Variants in RPTOR observed in about 807,000 individuals in gnomAD.
RPTOR encodes regulatory-associated protein of mTOR.
RPTOR carries 21 observed loss-of-function variants against 169.9 expected under a neutral mutation model. The observed-to-expected ratio is 0.12, with a 90% confidence interval of 0.09 to 0.18. The LOEUF is 0.18. RPTOR is among the 10% of genes least tolerant of loss of function. RPTOR has a pLI of 1.00. For missense variants in RPTOR, 1,133 were observed against 1,855.9 expected (o/e 0.61, Z 7.16); for synonymous variants, 732 against 753.2 (o/e 0.97, Z 0.46).
chr17:80,962,860 G>C, intron 32 of RPTOR, 68 bp from the exon 33 acceptor site: 1 of 1,602,998 alleles, frequency 6.2e-7, no homozygotes, highest in Non-Finnish European at 8.5e-7. Flanking sequence ...CGCGGTCTCG[G>C]CATCTGCGCC....
At chr17:80,718,305 G>A (rs890433196) in intron 4 of RPTOR, among the ~76,000 whole-genome samples, 3 of 152,108 alleles carry the variant, frequency 2.0e-5, no homozygotes, top group African/African-American at 7.2e-5. Context: ...CCTACCCTCT[G>A]CCAAAATCAT....
intron 4 of RPTOR, among the ~76,000 whole-genome samples, chr17:80,729,423 G>A (rs1287591389): frequency 6.6e-6 from 1 of 152,208 alleles, no homozygotes; most frequent in African/African-American, 2.4e-5. Flanking sequence ...AAAAATGTTA[G>A]CTTTGCGTTC....
intron 3 of RPTOR, among the ~76,000 whole-genome samples, chr17:80,697,654 A>G (rs2066048584): frequency 6.6e-6 from 1 of 152,248 alleles, no homozygotes; most frequent in Admixed American, 6.5e-5. Context: ...CACCTTGTGC[A>G]GAGGCATGGA....
intron 9 of RPTOR, among the ~76,000 whole-genome samples, chr17:80,834,228 C>T (rs1194583288): frequency 3.9e-5 from 6 of 152,220 alleles, no homozygotes; most frequent in Non-Finnish European, 5.9e-5. Context: ...GGTTCAGGGC[C>T]GCTTCACTGT....
intron 1 of RPTOR, among the ~76,000 whole-genome samples, chr17:80,575,781 TTCTA>T (rs2064957981): frequency 6.6e-6 from 1 of 152,234 alleles, no homozygotes; most frequent in Non-Finnish European, 1.5e-5. Context: ...TTTTGACTGT[TTCTA>T]TCAGTAACAG....
intron 25 of RPTOR, among the ~76,000 whole-genome samples, chr17:80,942,471 T>C (rs540580163): frequency 1.3e-5 from 2 of 151,808 alleles, no homozygotes; most frequent in African/African-American, 4.8e-5. Context: ...GAGGAGCTGC[T>C]GAGCCGCTGG....
chr17:80,891,905 A>C (rs2143868766), intron 18 of RPTOR, 68 bp downstream of exon 18: 7 of 1,086,066 alleles, frequency 6.4e-6, no homozygotes, highest in Non-Finnish European at 9.7e-6. Flanking sequence ...GCCGCGGCCC[A>C]GTCTTGCTCA....
At chr17:80,676,720 C>T (rs951816257) in intron 3 of RPTOR, among the ~76,000 whole-genome samples, 8 of 152,242 alleles carry the variant, frequency 5.3e-5, no homozygotes, top group Non-Finnish European at 8.8e-5. Context: ...TGGAAGCCTG[C>T]GTGGTGGCTG....
intron 3 of RPTOR, among the ~76,000 whole-genome samples, chr17:80,700,540 GAT>G (rs2066080521): frequency 1.0e-4 from 10 of 99,818 alleles, no homozygotes; most frequent in Admixed American, 8.5e-4. Context: ...TGGTGGTGAT[GAT>G]GATGGTGGTG....
intron 7 of RPTOR, among the ~76,000 whole-genome samples, chr17:80,813,466 C>T (rs1007995109): frequency 3.3e-5 from 5 of 152,172 alleles, no homozygotes; most frequent in African/African-American, 4.8e-5. Context: ...TTCAATGCAG[C>T]GTTCATTGAG....
intron 1 of RPTOR, among the ~76,000 whole-genome samples, chr17:80,561,600 T>C (rs1181614770): frequency 6.6e-6 from 1 of 151,636 alleles, no homozygotes; most frequent in African/African-American, 2.4e-5. Flanking sequence ...CCTGGCTGAT[T>C]TTTGTATTTT....
At chr17:80,781,470 TC>T (rs2066941682) in intron 6 of RPTOR, among the ~76,000 whole-genome samples, 1 of 152,098 alleles carries the variant, frequency 6.6e-6, no homozygotes, top group Non-Finnish European at 1.5e-5. Flanking sequence ...AGGAAAAGGT[TC>T]CAAAATTTTT....
intron 4 of RPTOR, among the ~76,000 whole-genome samples, chr17:80,729,341 G>C (rs993258891): frequency 2.6e-5 from 4 of 152,230 alleles, no homozygotes; most frequent in African/African-American, 9.6e-5. Context: ...TTCTGCCACA[G>C]CTTCACTACT....
intron 28 of RPTOR, among the ~76,000 whole-genome samples, chr17:80,953,157 A>G (rs2069204498): frequency 6.6e-6 from 1 of 151,924 alleles, no homozygotes; most frequent in Non-Finnish European, 1.5e-5. Flanking sequence ...GAGCCACTGC[A>G]CCCAGCCTGT....
chr17:80,559,175 C>T (rs577107903), intron 1 of RPTOR, among the ~76,000 whole-genome samples: 37 of 152,306 alleles, frequency 2.4e-4, no homozygotes, highest in African/African-American at 8.9e-4. Flanking sequence ...GTAGAATGTC[C>T]TGAATTTGAG....
Position 80,609,525 on chromosome 17 carries a change from T to G in RPTOR, c.163-16166T>G, listed in dbSNP as rs981339782. 6.6e-6 allele frequency among the ~76,000 whole-genome samples: 1 copy of G among 152,086 alleles called. No individual in the cohort carries two copies. Among genetic ancestry groups the G allele is most frequent in the Admixed American group, 6.5e-5 (1 of 15,274 alleles). ...TTTTGGGAGGCTGAGGTGGGCAGAT[T>G]ATTTGAAGTCATAGTTCGAGACCAG... On this transcript the variant is annotated intron_variant, in intron 1 of 33. Transcript: ENST00000306801. This position sits in a 1 kb window ranked among gnomAD's most constrained non-coding sequence, Gnocchi z 4.8.
intron 1 of RPTOR, among the ~76,000 whole-genome samples, chr17:80,584,186 G>C (rs1312105203): frequency 6.6e-6 from 1 of 152,256 alleles, no homozygotes; most frequent in East Asian, 1.9e-4. Context: ...CAGTGAAGGG[G>C]AATCAGTGTC....
intron 21 of RPTOR, among the ~76,000 whole-genome samples, chr17:80,918,847 G>A (rs34048269): frequency 0.16 from 24,192 of 152,034 alleles, 2,151 homozygotes; most frequent in Non-Finnish European, 0.2. Flanking sequence ...GTCCTGTGCC[G>A]CCCAGGTGCA....
chr17:80,567,835 A>T (rs952710792), intron 1 of RPTOR, among the ~76,000 whole-genome samples: 2 of 143,620 alleles, frequency 1.4e-5, no homozygotes, highest in Non-Finnish European at 1.6e-5. Flanking sequence ...AATAAATAAA[A>T]GTCCATTATC....
Sources: gnomAD v4.1 joint callset for allele counts (sites outside exome capture counted in the v4.1 genomes callset) on GRCh38, gnomAD v4.1.1 for gene constraint, Gnocchi (gnomAD v3.1) non-coding constraint, MANE v1.5 for transcripts, NCBI Gene and HGNC (gene_info 2026-07-23, HGNC 2026-07-21) for gene names.